ARMC7: variants seen among roughly 807,000 people sequenced by gnomAD.
ARMC7 encodes the protein armadillo repeat containing 7.
Under a neutral mutation model 14.8 loss-of-function variants are expected in ARMC7, and 9 were observed. The ratio of observed to expected loss-of-function variants is 0.61; its 90% CI spans 0.37 to 1.06. The LOEUF is 1.06. Ranked by LOEUF, ARMC7 falls within the 50% of genes least tolerant of loss-of-function variation. The pLI is 0.01. For synonymous variants in ARMC7, 125 were observed against 123.4 expected, an observed-to-expected ratio of 1.01 and a Z score of -0.09; for missense variants, 262 against 267.1, an observed-to-expected ratio of 0.98 and a Z score of 0.13.
Position 75,130,176 on chromosome 17 carries a change from C to A in ARMC7, c.*1138C>A. ...AGGGGAGGGAAGGGCTCATCAGCAC[C>A]CGCTCAGGGAGCCTGTCCCTTTATG... On this transcript the variant is annotated 3_prime_UTR_variant, in exon 3 of 3. Coordinates refer to ENST00000245543, the MANE Select transcript of ARMC7 (RefSeq NM_024585.4). 3.2e-6 allele frequency: 1 copy of A among 313,416 alleles called. No homozygotes were observed. Among genetic ancestry groups the A allele is most frequent in the Non-Finnish European group, 6.0e-6 (1 of 165,660 alleles). 19.4% of individuals were successfully genotyped at this position (313,416 alleles called of 1,614,324 possible).
chr17:75,117,064 C>A (rs1296328101), intron 2 of ARMC7, among the ~76,000 whole-genome samples: 2 of 152,126 alleles, frequency 1.3e-5, no homozygotes, highest in Non-Finnish European at 2.9e-5. Context: ...GAAAGTGAGG[C>A]TTTGTTTTTG....
chr17:75,116,253 T>C (rs2145122364), intron 2 of ARMC7, among the ~76,000 whole-genome samples: 1 of 152,282 alleles, frequency 6.6e-6, no homozygotes, highest in East Asian at 1.9e-4. Flanking sequence ...AGTACTAAAG[T>C]AGATGTGCTT....
chr17:75,119,719 T>C (rs1226116357), intron 2 of ARMC7, among the ~76,000 whole-genome samples: 1 of 151,320 alleles, frequency 6.6e-6, no homozygotes, highest in Non-Finnish European at 1.5e-5. Context: ...CTCGGCCCTC[T>C]CAAAGTGCTA....
intron 2 of ARMC7, among the ~76,000 whole-genome samples, chr17:75,120,490 TC>T (rs2074005756): frequency 6.6e-6 from 1 of 152,102 alleles, no homozygotes; most frequent in Non-Finnish European, 1.5e-5. Flanking sequence ...CGGAACTTGT[TC>T]TCCTTTCTGT....
At chr17:75,110,953 CAA>C (rs537195116) in intron 2 of ARMC7, among the ~76,000 whole-genome samples, 18 of 49,810 alleles carry the variant, frequency 3.6e-4, no homozygotes, top group African/African-American at 1.2e-3. Flanking sequence ...GACCCCGTCT[CAA>C]AAAAAAAAAA....
chr17:75,114,632 G>C (rs776034845), intron 2 of ARMC7: 1 of 397,118 alleles, frequency 2.5e-6, no homozygotes, highest in African/African-American at 2.1e-5. Context: ...CTGTGTCTCT[G>C]TGCAGGTATT....
chr17:75,113,492 T>C (rs1485534276), intron 2 of ARMC7, among the ~76,000 whole-genome samples: 13 of 151,228 alleles, frequency 8.6e-5, no homozygotes, highest in East Asian at 3.9e-4. Context: ...GTAGCTGGGA[T>C]TACAGGCGCC....
At chr17:75,114,490 T>C in intron 2 of ARMC7, 1 of 393,408 alleles carries the variant, frequency 2.5e-6, no homozygotes, top group Non-Finnish European at 4.5e-6. Context: ...GGTCCTGGAG[T>C]CCGCGGTCCC....
At chr17:75,112,702 A>G (rs1164551492) in intron 2 of ARMC7, among the ~76,000 whole-genome samples, 2 of 150,064 alleles carry the variant, frequency 1.3e-5, no homozygotes, top group Non-Finnish European at 3.0e-5. Flanking sequence ...TAGCCTCCCG[A>G]GTAGCTGTGA....
intron 2 of ARMC7, chr17:75,114,689 T>C: frequency 2.5e-6 from 1 of 397,528 alleles, no homozygotes; most frequent in Non-Finnish European, 4.4e-6. Context: ...TTCCCAACCA[T>C]TTTTTTCCTC....
intron 2 of ARMC7, among the ~76,000 whole-genome samples, chr17:75,116,518 A>G (rs947929590): frequency 6.6e-6 from 1 of 152,198 alleles, no homozygotes; most frequent in African/African-American, 2.4e-5. Context: ...CCAGCTACTC[A>G]GGAGGCTGAG....
intron 2 of ARMC7, among the ~76,000 whole-genome samples, chr17:75,127,103 T>C (rs11658576): frequency 6.8e-6 from 1 of 146,020 alleles, no homozygotes; most frequent in Admixed American, 6.8e-5. Context: ...TGCACAGTGG[T>C]GCATGCCTGG....
At chr17:75,116,690 C>T (rs1210355843) in intron 2 of ARMC7, among the ~76,000 whole-genome samples, 1 of 152,246 alleles carries the variant, frequency 6.6e-6, no homozygotes, top group Non-Finnish European at 1.5e-5. Context: ...ACAAGCTAGT[C>T]CCTTGGCCCT....
chr17:75,111,580 C>CT (rs1442232489), intron 2 of ARMC7, among the ~76,000 whole-genome samples: 1 of 144,978 alleles, frequency 6.9e-6, no homozygotes, highest in Non-Finnish European at 1.5e-5. Context: ...CCCATCTCTG[C>CT]TTTAAAAAAA....
rs555012229 is a variant in ARMC7, at chr17:75,113,651, G to A, written c.235+3045G>A. Among the ~76,000 whole-genome samples the A allele has an allele frequency of 5.9e-5, 9 of 152,246 alleles. No individual in the cohort carries two copies. In the East Asian group the frequency reaches 7.7e-4, roughly 13 times the overall value. On this transcript the variant is annotated intron_variant, in intron 2 of 2. Coordinates refer to ENST00000245543, the MANE Select transcript of ARMC7 (RefSeq NM_024585.4). ...ATTACAGGCGTGAGCCACCGCGCCC[G>A]GCAAAAATACATTATGATAAGTGTG...
chr17:75,125,260 C>T (rs576820389), intron 2 of ARMC7, among the ~76,000 whole-genome samples: 9 of 152,178 alleles, frequency 5.9e-5, no homozygotes, highest in Non-Finnish European at 8.8e-5. Context: ...CTTTCCCCCC[C>T]GGGTCAGTGC....
At chr17:75,114,169 C>T (rs1598164169) in intron 2 of ARMC7, 1 of 401,314 alleles carries the variant, frequency 2.5e-6, no homozygotes, top group East Asian at 3.6e-5. Flanking sequence ...GCCCCCACAG[C>T]TGCTGCAGTC....
intron 2 of ARMC7, among the ~76,000 whole-genome samples, chr17:75,115,785 T>C (rs1278966134): frequency 6.6e-6 from 1 of 152,122 alleles, no homozygotes; most frequent in Non-Finnish European, 1.5e-5. Flanking sequence ...GGCATCTGGG[T>C]GTGGGCTCTC....
At chr17:75,120,285 C>T (rs1442218269) in intron 2 of ARMC7, among the ~76,000 whole-genome samples, 1 of 152,194 alleles carries the variant, frequency 6.6e-6, no homozygotes, top group Non-Finnish European at 1.5e-5. Flanking sequence ...CAGTGCCCAA[C>T]ATGGCGTGTG....
Sources: allele counts gnomAD v4.1 joint callset (sites outside exome capture counted in the v4.1 genomes callset), GRCh38; gene constraint gnomAD v4.1.1; transcripts MANE v1.5; gene names NCBI Gene and HGNC (gene_info 2026-07-23, HGNC 2026-07-21).